The following PTN variants were observed in gnomAD, a reference collection of about 807,000 sequenced individuals.
PTN encodes heparin affin regulatory protein.
A neutral mutation model predicts 24.1 loss-of-function variants in PTN; 18 were observed. The observed-to-expected ratio is 0.75, with a 90% CI of 0.52 to 1.11. The LOEUF (loss-of-function observed/expected upper bound fraction) is 1.11. Ranked by LOEUF, PTN falls within the 50% of genes least tolerant of loss-of-function variation. The pLI is 0.00. For missense variants in PTN, 163 were observed against 198.8 expected (o/e 0.82, Z 1.08); for synonymous variants, 78 against 68.6 (o/e 1.14, Z -0.67).
chr7:137,264,996 C>G (rs1000925633), intron 1 of PTN, among the ~76,000 whole-genome samples: 1 of 108,892 alleles, frequency 9.2e-6, no homozygotes, highest in African/African-American at 3.5e-5. Context: ...TTTTTTGACA[C>G]ATAGAGTGTA....
At chr7:137,252,356 T>C (rs548991735) in intron 3 of PTN, among the ~76,000 whole-genome samples, 1 of 152,084 alleles carries the variant, frequency 6.6e-6, no homozygotes, top group Admixed American at 6.5e-5. Context: ...TCTGTTAATG[T>C]TTTTTCCCCA....
Position 137,343,574 on chromosome 7 carries a change from G to C in PTN, c.-137C>G. ...TGCTGCTCTCCCCGCCTTCTGGACG[G>C]ATGACTCACTGGTCTCTTTCTTCCC... On this transcript the variant is annotated 5_prime_UTR_variant, in exon 1 of 5. It adds an upstream start codon to the 5' untranslated region. Transcript: ENST00000348225. 1 of 518,976 alleles carries C rather than the reference G, an allele frequency of 1.9e-6. No homozygotes were observed. The highest frequency in any genetic ancestry group is 3.8e-6 in the Non-Finnish European group (1 of 259,878). 32.1% of individuals were successfully genotyped at this position (518,976 alleles called of 1,614,324 possible). A position where few individuals can be genotyped will look rare whatever the true frequency, so the allele number is the denominator to read the frequency against.
At chr7:137,290,061 A>G (rs1410100035) in intron 1 of PTN, among the ~76,000 whole-genome samples, 3 of 152,210 alleles carry the variant, frequency 2.0e-5, no homozygotes, top group African/African-American at 7.2e-5. Context: ...AAGCCTCATC[A>G]TCATGGTGGA....
chr7:137,292,739 G>C (rs879087932), intron 1 of PTN, among the ~76,000 whole-genome samples: 1 of 152,120 alleles, frequency 6.6e-6, no homozygotes, highest in Non-Finnish European at 1.5e-5. Context: ...TACATGTTCA[G>C]TACAGATGCA....
intron 1 of PTN, among the ~76,000 whole-genome samples, chr7:137,259,691 C>G (rs1335279856): frequency 6.6e-6 from 1 of 150,490 alleles, no homozygotes; most frequent in African/African-American, 2.4e-5. Context: ...CAAAAAGGGA[C>G]AGAGAGAGAG....
At chr7:137,282,933 G>A (rs1034569015) in intron 1 of PTN, among the ~76,000 whole-genome samples, 1 of 152,252 alleles carries the variant, frequency 6.6e-6, no homozygotes, top group Non-Finnish European at 1.5e-5. Flanking sequence ...CCTTAGCATA[G>A]GTACCAAAGT....
chr7:137,251,139 C>T, intron 4 of PTN, 91 bp downstream of exon 4: 1 of 1,412,934 alleles, frequency 7.1e-7, no homozygotes, highest in Non-Finnish European at 9.9e-7. Context: ...AGGTAATTCA[C>T]CTAATATTTC....
intron 1 of PTN, among the ~76,000 whole-genome samples, chr7:137,309,638 C>A (rs895428540): frequency 6.6e-6 from 1 of 152,172 alleles, no homozygotes; most frequent in African/African-American, 2.4e-5. Context: ...TTCAACAATG[C>A]TCACATCTCC....
intron 1 of PTN, among the ~76,000 whole-genome samples, chr7:137,317,619 T>G (rs907675143): frequency 2.0e-5 from 3 of 152,196 alleles, no homozygotes; most frequent in Non-Finnish European, 2.9e-5. Context: ...GTTGTATTTA[T>G]TTTGATCGTG....
chr7:137,315,842 TG>T (rs1322715371), intron 1 of PTN, among the ~76,000 whole-genome samples: 1 of 152,168 alleles, frequency 6.6e-6, no homozygotes, highest in Non-Finnish European at 1.5e-5. Context: ...CATGCTGGGA[TG>T]GCCTAGGTAT....
chr7:137,290,423 A>C (rs567234567), intron 1 of PTN, among the ~76,000 whole-genome samples: 3 of 152,352 alleles, frequency 2.0e-5, no homozygotes, highest in African/African-American at 7.2e-5. Context: ...TCTGTAAAAA[A>C]TATAATCAAT....
chr7:137,230,284 A>T (rs1808405077), intron 4 of PTN, among the ~76,000 whole-genome samples: 1 of 151,856 alleles, frequency 6.6e-6, no homozygotes, highest in Admixed American at 6.6e-5. Flanking sequence ...GCAAGAGCAC[A>T]TTCTTAGGTA....
intron 1 of PTN, among the ~76,000 whole-genome samples, chr7:137,300,881 T>C (rs1245061892): frequency 6.6e-6 from 1 of 151,616 alleles, no homozygotes; most frequent in Non-Finnish European, 1.5e-5. Context: ...ATTCTGAATA[T>C]GGTACAAAGT....
chr7:137,289,854 C>T (rs1398168499), intron 1 of PTN, among the ~76,000 whole-genome samples: 1 of 152,176 alleles, frequency 6.6e-6, no homozygotes, highest in African/African-American at 2.4e-5. Context: ...GCAGAGAACT[C>T]AATCACATCA....
chr7:137,343,619 TC>T lies in PTN; in HGVS notation c.-183del, dbSNP rs761537993. Reference sequence around the variant, plus strand: ...CTTCCCCTCTCTCCACTTTGGATTTTCCTCTGCTCTGGGGCTCTCTTGGCGG... The same window carrying T: ...CTTCCCCTCTCTCCACTTTGGATTTTCTCTGCTCTGGGGCTCTCTTGGCGG... On this transcript the variant is annotated 5_prime_UTR_variant, in exon 1 of 5. Transcript: ENST00000348225. The T allele has an allele frequency of 5.8e-6, 3 of 518,850 alleles. No individual in the cohort carries two copies. The highest frequency in any genetic ancestry group is 5.8e-5 in the African/African-American group (3 of 51,938). 32.1% of individuals were successfully genotyped at this position (518,850 alleles called of 1,614,324 possible).
intron 4 of PTN, among the ~76,000 whole-genome samples, chr7:137,239,609 T>C (rs1035214737): frequency 1.3e-5 from 2 of 151,718 alleles, no homozygotes; most frequent in Non-Finnish European, 2.9e-5. Context: ...GTCCATGTGA[T>C]CTCATTGTTC....
At position 137,227,842 on chromosome 7, in the gene PTN, G is replaced by A. The variant is rs993196897; in HGVS notation, c.*178C>T. ...AGTCCTTTATTATAAGCCCCTACTG[G>A]TACTATAGTATACATTTAAAAAACG... On this transcript the variant is annotated 3_prime_UTR_variant, in exon 5 of 5. Coordinates refer to ENST00000348225, the MANE Select transcript of PTN (RefSeq NM_002825.7). The A allele has an allele frequency of 5.6e-5, 31 of 550,666 alleles. No individual in the cohort carries two copies. The highest frequency in any genetic ancestry group is 3.9e-4 in the Admixed American group (10 of 25,864). The allele number at this position is 550,666 out of a possible 1,614,324, so 34.1% of individuals were successfully genotyped here.
chr7:137,312,296 T>C (rs1809995441), intron 1 of PTN, among the ~76,000 whole-genome samples: 2 of 152,256 alleles, frequency 1.3e-5, no homozygotes, highest in South Asian at 4.1e-4. Context: ...CCATCCGCGA[T>C]GCACATTTCT....
chr7:137,315,833 A>C (rs1810062713), intron 1 of PTN, among the ~76,000 whole-genome samples: 1 of 152,140 alleles, frequency 6.6e-6, no homozygotes, highest in Non-Finnish European at 1.5e-5. Flanking sequence ...GTGGCATTAC[A>C]TGCTGGGATG....
Sources: gnomAD v4.1 joint callset for allele counts (sites outside exome capture counted in the v4.1 genomes callset) on GRCh38, gnomAD v4.1.1 for gene constraint, MANE v1.5 for transcripts, NCBI Gene and HGNC (gene_info 2026-07-23, HGNC 2026-07-21) for gene names.